PRR29: variants seen among roughly 807,000 people sequenced by gnomAD.
The protein encoded by PRR29 is proline-rich protein 29.
Under a neutral mutation model 25.1 loss-of-function variants are expected in PRR29, and 20 were observed. That is an observed-to-expected ratio of 0.80 (90% CI 0.56 to 1.16). The LOEUF (loss-of-function observed/expected upper bound fraction) is 1.16. Among genes scored for constraint, PRR29 ranks in the 50% most tolerant of loss-of-function variants. PRR29 has a pLI of 0.00. For missense variants in PRR29, 238 were observed against 246.6 expected, an observed-to-expected ratio of 0.97 and a Z score of 0.23; for synonymous variants, 108 against 102.6, an observed-to-expected ratio of 1.05 and a Z score of -0.32.
chr17:63,998,821 A>ACCC, intron 2 of PRR29, 39 bp downstream of exon 2: 1 of 799,904 alleles, frequency 1.3e-6, no homozygotes, highest in Non-Finnish European at 1.8e-6. Flanking sequence ...CCCCACCATC[A>ACCC]CCACCACTCA....
Position 64,003,641 on chromosome 17 carries a change from C to T in PRR29, c.*1880C>T, listed in dbSNP as rs1910972874. On this transcript the variant is annotated 3_prime_UTR_variant, in exon 6 of 6. Coordinates refer to ENST00000412177, the MANE Select transcript of PRR29 (RefSeq NM_001164257.2). The stretch of plus-strand genomic sequence containing the variant: ...CCAACTCCATCCACGGATCCCCCCT[C>T]ACCATAGATCTCCAACATCTTCGGG... The T allele has an allele frequency of 1.2e-6, 2 of 1,610,318 alleles. No homozygotes were observed. The highest frequency in any genetic ancestry group is 3.3e-5 in the Admixed American group (2 of 59,900).
In PRR29 at chr17:64,003,008, A is replaced by G. The variant is rs1292437258; in HGVS notation, c.*1247A>G. The G allele has an allele frequency of 2.2e-6, 3 of 1,348,496 alleles. No individual in the cohort carries two copies. The Admixed American group carries it at 6.4e-5, about 29-fold the overall frequency. The allele number at this position is 1,348,496 out of a possible 1,614,324, so 83.5% of individuals were successfully genotyped here. A position where few individuals can be genotyped will look rare whatever the true frequency, so the allele number is the denominator to read the frequency against. The stretch of plus-strand genomic sequence containing the variant: ...AAAAGGGAGTGGAAGTCCACCCCCA[A>G]CCCAGACCCCCAGACCCCGCCGCCC... On this transcript the variant is annotated 3_prime_UTR_variant, in exon 6 of 6. Coordinates refer to ENST00000412177, the MANE Select transcript of PRR29 (RefSeq NM_001164257.2).
chr17:64,003,432 A>C lies in PRR29; in HGVS notation c.*1671A>C. ...CATGGGGCTTGATGGTGGCCGAGGA[A>C]CTAGTTGACCTCTCCCGACCTCTGG... On this transcript the variant is annotated 3_prime_UTR_variant, in exon 6 of 6. Coordinates refer to ENST00000412177, the MANE Select transcript of PRR29 (RefSeq NM_001164257.2). The C allele has an allele frequency of 5.2e-6, 3 of 574,192 alleles. No individual in the cohort carries two copies. The highest frequency in any genetic ancestry group is 9.3e-6 in the Non-Finnish European group (3 of 321,488). The allele number at this position is 574,192 out of a possible 1,614,324, so 35.6% of individuals were successfully genotyped here. A position where few individuals can be genotyped will look rare whatever the true frequency, so the allele number is the denominator to read the frequency against.
intron 1 of PRR29, 106 bp downstream of exon 1, chr17:63,998,530 GAC>G (rs1453003544): frequency 1.9e-5 from 25 of 1,303,410 alleles, no homozygotes; most frequent in Non-Finnish European, 2.6e-5. Flanking sequence ...GACGAGGAGA[GAC>G]AGCCCCAAAC....
Position 64,001,161 on chromosome 17 carries a change from G to A in PRR29, c.321G>A (p.Val107=). The change falls in exon 4 of 6, where the codon GTG becomes GTA. Residue 107 remains valine, a synonymous_variant. Coordinates refer to ENST00000412177, the MANE Select transcript of PRR29 (RefSeq NM_001164257.2). ...EMDVREKGPL[V]FHHHYLPYLM... is the part of the protein sequence containing the mutation. ...ACGTGCGGGAGAAAGGGCCTTTGGT[G>A]TTTCACCACCACTACTTGCCCTATT... is the stretch of plus-strand genomic sequence containing the variant. The A allele has an allele frequency of 6.5e-7, 1 of 1,537,472 alleles. No homozygotes were observed. Among genetic ancestry groups the A allele is most frequent in the Non-Finnish European group, 8.7e-7 (1 of 1,146,966 alleles).
At chr17:63,998,869 A>C in intron 2 of PRR29, 87 bp downstream of exon 2, 1 of 1,061,970 alleles carries the variant, frequency 9.4e-7, no homozygotes, top group Non-Finnish European at 1.3e-6. Flanking sequence ...GAGTCCCCGC[A>C]GCACAACCCG....
rs151104790 is a variant in PRR29 at position 64,002,408 on chromosome 17, G to T, written c.*647G>T. On this transcript the variant is annotated 3_prime_UTR_variant, in exon 6 of 6. Transcript: ENST00000412177. ...TGTGTCCTCTGCCCCCTGGGCCAGG[G>T]TGTGTTTCCCCCACCCTCCCTCAGT... is the stretch of plus-strand genomic sequence containing the variant. The T allele has an allele frequency of 4.0e-3, 1,658 of 410,070 alleles. 23 individuals carry two copies. Among genetic ancestry groups the T allele is most frequent in the African/African-American group, 0.03 (1,496 of 50,300 alleles). 25.4% of individuals were successfully genotyped at this position (410,070 alleles called of 1,614,324 possible). A position where few individuals can be genotyped will look rare whatever the true frequency, so the allele number is the denominator to read the frequency against.
Position 64,003,082 on chromosome 17 carries a change from G to C in PRR29, c.*1321G>C. The C allele has an allele frequency of 9.8e-6, 6 of 612,574 alleles. No homozygotes were observed. The highest frequency in any genetic ancestry group is 1.7e-5 in the Non-Finnish European group (6 of 350,926). The allele number at this position is 612,574 out of a possible 1,614,324, so 37.9% of individuals were successfully genotyped here. A position where few individuals can be genotyped will look rare whatever the true frequency, so the allele number is the denominator to read the frequency against. ...CAGTTGCAGAGATGAGTGGTGAATG[G>C]TGTCTGCATTAAAATTATTATCTGG... On this transcript the variant is annotated 3_prime_UTR_variant, in exon 6 of 6. Transcript: ENST00000412177.
chr17:64,001,372 C>A, intron 4 of PRR29, 62 bp downstream of exon 4: 1 of 1,501,134 alleles, frequency 6.7e-7, no homozygotes, highest in Non-Finnish European at 8.9e-7. Flanking sequence ...AAGAGCTGTG[C>A]AGGGGCTGGT....
Position 64,002,774 on chromosome 17 carries a change from C to A in PRR29, c.*1013C>A. On this transcript the variant is annotated 3_prime_UTR_variant, in exon 6 of 6. Coordinates refer to ENST00000412177, the MANE Select transcript of PRR29 (RefSeq NM_001164257.2). ...ATGGCCGGAAGGCCTGGGGCAGCCT[C>A]CTCCAAGCCGCTCGCACCCCGTAGG... 2 of 1,612,744 alleles carry A rather than the reference C, an allele frequency of 1.2e-6. No individual in the cohort carries two copies. The highest frequency in any genetic ancestry group is 2.2e-5 in the South Asian group (2 of 91,018).
In PRR29 at chr17:63,998,523, G is replaced by A. The variant is rs1259480990; in HGVS notation, c.60+99G>A. On this transcript the variant is annotated intron_variant, in intron 1 of 5. Transcript: ENST00000412177. The stretch of plus-strand genomic sequence containing the variant: ...GCCAGATCCTGGAGGGGTGGGGGAC[G>A]AGGAGAGACAGCCCCAAACCGAGAG... 11 of 1,320,388 alleles carry A rather than the reference G, an allele frequency of 8.3e-6. No homozygotes were observed. The Admixed American group carries it at 1.9e-4, about 23-fold the overall frequency. 81.8% of individuals were successfully genotyped at this position (1,320,388 alleles called of 1,614,324 possible). A position where few individuals can be genotyped will look rare whatever the true frequency, so the allele number is the denominator to read the frequency against.
chr17:64,001,490 C>A lies in PRR29; in HGVS notation c.494C>A (p.Pro165His). 6.7e-7 allele frequency: 1 copy of A among 1,483,236 alleles called. No individual in the cohort carries two copies. Among genetic ancestry groups the A allele is most frequent in the Non-Finnish European group, 8.9e-7 (1 of 1,123,552 alleles). 91.9% of individuals were successfully genotyped at this position (1,483,236 alleles called of 1,614,324 possible). A position where few individuals can be genotyped will look rare whatever the true frequency, so the allele number is the denominator to read the frequency against. Residue 165 changes from proline to histidine, a missense_variant, in exon 5 of 6, where the codon CCC becomes CAC. Physicochemically the swap from Pro to His is moderately conservative, Grantham distance 77. Coordinates refer to ENST00000412177, the MANE Select transcript of PRR29 (RefSeq NM_001164257.2). Reference protein sequence around the residue: ...REVRAVPPPPPPSATGTVGAD... With the variant: ...REVRAVPPPPHPSATGTVGAD... The stretch of plus-strand genomic sequence containing the variant: ...AGGAGAGCTGTGCCCCCACCCCCAC[C>A]CCCCAGTGCCACAGGGACTGTGGGT...
intron 4 of PRR29, 49 bp downstream of exon 4, chr17:64,001,359 C>G (rs1175690172): frequency 1.3e-6 from 2 of 1,512,448 alleles, no homozygotes; most frequent in Non-Finnish European, 1.8e-6. Context: ...CTGGAAGTTG[C>G]AGAAGAGCTG....
rs967719039 is a variant in PRR29, at chr17:64,004,019, C to G, written c.*2258C>G. ...CAGGATGGGGGTGCAGTCCCAGCAG[C>G]CTCCCCCTGGCCAGGGCCATCTCCT... On this transcript the variant is annotated 3_prime_UTR_variant, in exon 6 of 6. Coordinates refer to ENST00000412177, the MANE Select transcript of PRR29 (RefSeq NM_001164257.2). 7.3e-7 allele frequency: 1 copy of G among 1,373,970 alleles called. No individual in the cohort carries two copies. Among genetic ancestry groups the G allele is most frequent in the Non-Finnish European group, 9.9e-7 (1 of 1,007,794 alleles). The allele number at this position is 1,373,970 out of a possible 1,614,324, so 85.1% of individuals were successfully genotyped here.
In PRR29 at chr17:64,002,396, C is replaced by T; in HGVS notation, c.*635C>T. 5.0e-6 allele frequency: 2 copies of T among 401,414 alleles called. No homozygotes were observed. The highest frequency in any genetic ancestry group is 9.2e-6 in the Non-Finnish European group (2 of 216,682). The allele number at this position is 401,414 out of a possible 1,614,324, so 24.9% of individuals were successfully genotyped here. A position where few individuals can be genotyped will look rare whatever the true frequency, so the allele number is the denominator to read the frequency against. On this transcript the variant is annotated 3_prime_UTR_variant, in exon 6 of 6. Transcript: ENST00000412177. ...AGGTGGGAACAGTGTGTCCTCTGCC[C>T]CCTGGGCCAGGGTGTGTTTCCCCCA...
At position 64,003,053 on chromosome 17, in the gene PRR29, AC is replaced by A; in HGVS notation, c.*1296del. The A allele has an allele frequency of 4.2e-6, 3 of 710,488 alleles. No individual in the cohort carries two copies. Among genetic ancestry groups the A allele is most frequent in the Non-Finnish European group, 4.7e-6 (2 of 429,684 alleles). The allele number at this position is 710,488 out of a possible 1,614,324, so 44.0% of individuals were successfully genotyped here. A position where few individuals can be genotyped will look rare whatever the true frequency, so the allele number is the denominator to read the frequency against. ...CCGCCCGCTCATGCATCCAGCAGTC[AC>A]CCCAGTTGCAGAGATGAGTGGTGAA... is the stretch of plus-strand genomic sequence containing the variant. On this transcript the variant is annotated 3_prime_UTR_variant, in exon 6 of 6. Coordinates refer to ENST00000412177, the MANE Select transcript of PRR29 (RefSeq NM_001164257.2).
rs983897229 is a variant in PRR29, at chr17:64,003,090, A to C, written c.*1329A>C. 1.7e-6 allele frequency: 1 copy of C among 598,238 alleles called. No individual in the cohort carries two copies. Among genetic ancestry groups the C allele is most frequent in the Non-Finnish European group, 2.9e-6 (1 of 341,704 alleles). 37.1% of individuals were successfully genotyped at this position (598,238 alleles called of 1,614,324 possible). A position where few individuals can be genotyped will look rare whatever the true frequency, so the allele number is the denominator to read the frequency against. On this transcript the variant is annotated 3_prime_UTR_variant, in exon 6 of 6. Coordinates refer to ENST00000412177, the MANE Select transcript of PRR29 (RefSeq NM_001164257.2). ...GAGATGAGTGGTGAATGGTGTCTGC[A>C]TTAAAATTATTATCTGGAAAAAAGG...
At position 64,001,769 on chromosome 17, in the gene PRR29, C is replaced by A. The variant is rs1377688340; in HGVS notation, c.*8C>A. The A allele has an allele frequency of 6.5e-7, 1 of 1,537,150 alleles. No homozygotes were observed. The highest frequency in any genetic ancestry group is 2.0e-5 in the Admixed American group (1 of 50,982). ...GCCGAGAGCCTCCTATGAGGACAGA[C>A]CCCGGCCCTGGGAACTGCACCAGCT... On this transcript the variant is annotated 3_prime_UTR_variant, in exon 6 of 6. Transcript: ENST00000412177.
chr17:64,000,133 G>C (rs1387049090), intron 3 of PRR29, among the ~76,000 whole-genome samples: 2 of 152,186 alleles, frequency 1.3e-5, no homozygotes, highest in African/African-American at 4.8e-5. Context: ...ATGACACATA[G>C]GTGGGTCCAG....
Sources: gnomAD v4.1 joint callset for allele counts (sites outside exome capture counted in the v4.1 genomes callset) on GRCh38, gnomAD v4.1.1 for gene constraint, MANE v1.5 for transcripts, NCBI Gene and HGNC (gene_info 2026-07-23, HGNC 2026-07-21) for gene names.